The following SYT10 variants were observed in gnomAD, a reference collection of about 807,000 sequenced individuals.
SYT10 encodes the protein synaptotagmin-10.
In SYT10, 31 loss-of-function variants were observed where a neutral mutation model predicts 51.1. That is an observed-to-expected ratio of 0.61 (90% confidence interval 0.46 to 0.82). The LOEUF (loss-of-function observed/expected upper bound fraction) is 0.82. Among genes scored for constraint, SYT10 ranks in the 40% least tolerant of loss-of-function variants. The pLI, the probability that SYT10 is intolerant of heterozygous loss-of-function variation, is 0.00. For synonymous variants in SYT10, 233 were observed against 225.9 expected (o/e 1.03, Z -0.28); for missense variants, 603 against 634.0 (o/e 0.95, Z 0.53).
chr12:33,424,850 C>T (rs1351163623), intron 2 of SYT10, among the ~76,000 whole-genome samples: 1 of 151,802 alleles, frequency 6.6e-6, no homozygotes, highest in Non-Finnish European at 1.5e-5. Flanking sequence ...AATGTCATTG[C>T]TCAGGAAAAC....
intron 2 of SYT10, among the ~76,000 whole-genome samples, chr12:33,418,150 C>T (rs1191401497): frequency 6.6e-6 from 1 of 152,124 alleles, no homozygotes; most frequent in Non-Finnish European, 1.5e-5. Context: ...CCCAACATTG[C>T]TAAATTCAAA....
chr12:33,425,469 C>T (rs1306001947), intron 2 of SYT10, among the ~76,000 whole-genome samples: 3 of 151,988 alleles, frequency 2.0e-5, no homozygotes, highest in African/African-American at 7.2e-5. Context: ...GTTGACTTTC[C>T]CAGGCTGAGT....
At chr12:33,408,541 T>C (rs947495252) in intron 2 of SYT10, among the ~76,000 whole-genome samples, 1 of 152,222 alleles carries the variant, frequency 6.6e-6, no homozygotes, top group African/African-American at 2.4e-5. Context: ...TGTGCCAAAC[T>C]ACCCATCTCC....
rs764766472 is a variant in SYT10, at chr12:33,382,402, A to G, written c.1317T>C (p.Pro439=). 1.2e-6 allele frequency: 2 copies of G among 1,612,882 alleles called. No individual in the cohort carries two copies. The highest frequency in any genetic ancestry group is 1.7e-6 in the Non-Finnish European group (2 of 1,179,468). Residue 439 remains proline, a synonymous_variant, in exon 5 of 7, where the codon CCT becomes CCC. Transcript: ENST00000228567. ...GGCTGACCTGGTCCACGTTCTCTGG[A>G]GGGATGTCAAAAATAATGGCCTCAT... ...VYNEAIIFDI[P]PENVDQVSLS...
At chr12:33,377,251 C>A (rs1035446386) in intron 6 of SYT10, among the ~76,000 whole-genome samples, 4 of 152,228 alleles carry the variant, frequency 2.6e-5, no homozygotes, top group African/African-American at 4.8e-5. Context: ...CGGCTCACTG[C>A]AACCTCTGCC....
chr12:33,431,546 T>A (rs1866597100), intron 1 of SYT10, among the ~76,000 whole-genome samples: 1 of 152,150 alleles, frequency 6.6e-6, no homozygotes. Context: ...TTGTAATTAT[T>A]TAATTTAATT....
intron 2 of SYT10, among the ~76,000 whole-genome samples, chr12:33,423,303 AGTGT>A (rs139986432): frequency 1.3e-5 from 2 of 149,530 alleles, no homozygotes; most frequent in Admixed American, 6.7e-5. Flanking sequence ...AGTTAAATTC[AGTGT>A]GTGTGTGTGT....
intron 3 of SYT10, among the ~76,000 whole-genome samples, chr12:33,389,127 T>C (rs1254208270): frequency 1.3e-5 from 2 of 152,164 alleles, no homozygotes; most frequent in Admixed American, 1.3e-4. Context: ...AGAAATAAAA[T>C]GGTCAGTACG....
In SYT10 at chr12:33,393,463, A is replaced by G. The variant is rs1276143881; in HGVS notation, c.1078-8172T>C. Among the ~76,000 whole-genome samples the G allele has an allele frequency of 3.9e-5, 6 of 152,212 alleles. 1 individual carries two copies. In the South Asian group the frequency reaches 1.2e-3, roughly 31 times the overall value. ...TTTTAAATATTTTTACAAAATTCTTAAAGGAGTCCCTGTAAGTATTGCTGT... is the reference window on the plus strand; with the variant it reads ...TTTTAAATATTTTTACAAAATTCTTGAAGGAGTCCCTGTAAGTATTGCTGT... On this transcript the variant is annotated intron_variant, in intron 3 of 6. Transcript: ENST00000228567.
rs527634513 is a variant in SYT10, at chr12:33,421,678, G to T, written c.509+4460C>A. ...GAGGGCATAAAAGTGGGTTACACAC[G>T]CTTAGATGCTGAAAATTTAGCATCT... On this transcript the variant is annotated intron_variant, in intron 2 of 6. Transcript: ENST00000228567. 3.9e-5 allele frequency among the ~76,000 whole-genome samples: 6 copies of T among 152,208 alleles called. No homozygotes were observed. The South Asian group carries it at 8.3e-4, about 21-fold the overall frequency.
chr12:33,386,158 T>C (rs1866154640), intron 3 of SYT10, among the ~76,000 whole-genome samples: 3 of 152,106 alleles, frequency 2.0e-5, no homozygotes, highest in Admixed American at 2.0e-4. Flanking sequence ...GTAGCTGGGA[T>C]TACAGGCATG....
chr12:33,381,629 TG>T (rs1476378701), intron 5 of SYT10, among the ~76,000 whole-genome samples: 2 of 151,906 alleles, frequency 1.3e-5, no homozygotes, highest in African/African-American at 4.8e-5. Context: ...AGCCAGGCTG[TG>T]GGGTGTTGGT....
chr12:33,418,190 G>A (rs778390698), intron 2 of SYT10, among the ~76,000 whole-genome samples: 27 of 151,856 alleles, frequency 1.8e-4, no homozygotes, highest in Non-Finnish European at 3.2e-4. Context: ...CATCCCACCC[G>A]GGCTTAGCAC....
intron 3 of SYT10, among the ~76,000 whole-genome samples, chr12:33,389,681 G>T (rs528786840): frequency 6.6e-6 from 1 of 152,108 alleles, no homozygotes; most frequent in Non-Finnish European, 1.5e-5. Flanking sequence ...TGTGGTGATA[G>T]CAGTCATTAC....
chr12:33,395,820 C>A (rs1866250964), intron 3 of SYT10, among the ~76,000 whole-genome samples: 1 of 152,112 alleles, frequency 6.6e-6, no homozygotes, highest in Admixed American at 6.5e-5. Flanking sequence ...TTCGGCAATT[C>A]CAATTCTGTA....
At chr12:33,404,421 C>T (rs531510839) in intron 3 of SYT10, among the ~76,000 whole-genome samples, 4 of 152,004 alleles carry the variant, frequency 2.6e-5, no homozygotes, top group Non-Finnish European at 5.9e-5. Context: ...GATGGAGTCT[C>T]GCTCTGTTGC....
At chr12:33,403,819 T>C (rs1866328318) in intron 3 of SYT10, among the ~76,000 whole-genome samples, 2 of 152,096 alleles carry the variant, frequency 1.3e-5, no homozygotes, top group Admixed American at 1.3e-4. Context: ...AATAAGAAGA[T>C]GTAACATTGT....
chr12:33,439,819 TG>T (rs1410548545), upstream of SYT10: 1 of 358,852 alleles, frequency 2.8e-6, no homozygotes, highest in Non-Finnish European at 5.1e-6. Flanking sequence ...CGGCATGGAG[TG>T]CTGAGGGGAG....
intron 3 of SYT10, among the ~76,000 whole-genome samples, chr12:33,398,898 G>A (rs1483960172): frequency 6.6e-6 from 1 of 152,130 alleles, no homozygotes; most frequent in Admixed American, 6.5e-5. Context: ...ACTTGGTCAA[G>A]CCATACAGAG....
Sources: gnomAD v4.1 joint callset for allele counts (sites outside exome capture counted in the v4.1 genomes callset) on GRCh38, gnomAD v4.1.1 for gene constraint, MANE v1.5 for transcripts, NCBI Gene and HGNC (gene_info 2026-07-23, HGNC 2026-07-21) for gene names.